The following FRY variants were observed in gnomAD, a reference collection of about 807,000 sequenced individuals.
FRY encodes the protein protein furry homolog.
A neutral mutation model predicts 348.4 loss-of-function variants in FRY; 128 were observed. That is an observed-to-expected ratio of 0.37 (90% confidence interval 0.32 to 0.43). The LOEUF (loss-of-function observed/expected upper bound fraction) is 0.43, where lower values mean the gene tolerates loss of function less well. Among genes scored for constraint, FRY ranks in the 20% least tolerant of loss-of-function variants. The pLI is 1.00. For synonymous variants in FRY, 1,370 were observed against 1,374.7 expected, an observed-to-expected ratio of 1.00 and a Z score of 0.08; for missense variants, 2,736 against 3,695.2, an observed-to-expected ratio of 0.74 and a Z score of 6.73.
intron 7 of FRY, 93 bp from the exon 8 acceptor site, chr13:32,131,579 T>C: frequency 1.2e-6 from 1 of 846,430 alleles, no homozygotes; most frequent in African/African-American, 1.7e-5. Flanking sequence ...AAGGATTCCA[T>C]TGCTCTGCTC....
rs1429617183 is a variant in FRY, at chr13:32,184,998, G to A, written c.3169G>A (p.Asp1057Asn). The change falls in exon 26 of 61, where the codon GAT becomes AAT. Residue 1057 changes from aspartate (D) to asparagine (N), a missense_variant. This residue lies in a region of FRY where 449 missense variants were observed against 576.9 expected (regional missense o/e 0.78). Transcript: ENST00000542859. ...SDSTNGALERDTLALGALFLE... is the reference protein window; with the variant it reads ...SDSTNGALERNTLALGALFLE... ...CAGCACAAATGGAGCCCTAGAGCGG[G>A]ATACTTTAGCCCTGGGAGCTTTGTT... 6.2e-7 allele frequency: 1 copy of A among 1,613,866 alleles called. No homozygotes were observed. The highest frequency in any genetic ancestry group is 8.5e-7 in the Non-Finnish European group (1 of 1,179,922).
chr13:32,191,780 C>A (rs1413739794), intron 28 of FRY, among the ~76,000 whole-genome samples: 1 of 152,070 alleles, frequency 6.6e-6, no homozygotes, highest in Non-Finnish European at 1.5e-5. Context: ...CTTATGAGAG[C>A]ACTAATCTCA....
chr13:32,248,214 G>T (rs756822246), intron 48 of FRY, among the ~76,000 whole-genome samples: 1 of 152,166 alleles, frequency 6.6e-6, no homozygotes, highest in East Asian at 1.9e-4. Flanking sequence ...ACAACATCTG[G>T]TGCATTAGTA....
At position 32,224,904 on chromosome 13, in the gene FRY, T is replaced by C. The variant is rs371487062; in HGVS notation, c.4917-29T>C. On this transcript the variant is annotated intron_variant, in intron 37 of 60. Transcript: ENST00000542859. ...TAGTATTTCCATCCCCTTCAGAAGT[T>C]GCATTAATTTCATTATTTCATTGAT... 2.8e-5 allele frequency: 35 copies of C among 1,244,102 alleles called. No homozygotes were observed. The African/African-American group carries it at 4.9e-4, about 17-fold the overall frequency. The allele number at this position is 1,244,102 out of a possible 1,614,324, so 77.1% of individuals were successfully genotyped here. A position where few individuals can be genotyped will look rare whatever the true frequency, so the allele number is the denominator to read the frequency against.
chr13:32,127,211 T>C (rs1484007609), intron 7 of FRY, among the ~76,000 whole-genome samples: 6 of 152,330 alleles, frequency 3.9e-5, no homozygotes, highest in Non-Finnish European at 1.5e-5. Context: ...TATGCGATAT[T>C]ATCTTTATAT....
chr13:32,046,433 G>C (rs1419422144), intron 1 of FRY, among the ~76,000 whole-genome samples: 1 of 152,210 alleles, frequency 6.6e-6, no homozygotes, highest in Non-Finnish European at 1.5e-5. Flanking sequence ...GCAAAGTTAT[G>C]TGAGCTCAGA....
rs114839670 is a variant in FRY, at chr13:32,161,153, A to G, written c.1794A>G (p.Arg598=). Residue 598 remains arginine, a synonymous_variant, in exon 17 of 61, where the codon AGA becomes AGG. Coordinates refer to ENST00000542859, the MANE Select transcript of FRY (RefSeq NM_023037.3). ...KEPEDMITGE[R]KPKIDLFRTC... is the part of the protein sequence containing the mutation. ...TGTCTTCTAATTCTAGGGGTGAGAG[A>G]AAGCCAAAAATAGATCTTTTCAGGA... The G allele has an allele frequency of 1.2e-3, 1,902 of 1,609,230 alleles. 23 individuals are homozygous for G. In the African/African-American group the frequency reaches 0.023, roughly 20 times the overall value.
At chr13:32,160,399 A>G (rs1881373905) in intron 16 of FRY, among the ~76,000 whole-genome samples, 1 of 152,244 alleles carries the variant, frequency 6.6e-6, no homozygotes, top group Non-Finnish European at 1.5e-5. Context: ...TACAGATAAA[A>G]TAAGTGGTTA....
intron 18 of FRY, among the ~76,000 whole-genome samples, chr13:32,171,693 C>T (rs1266538557): frequency 6.6e-6 from 1 of 152,192 alleles, no homozygotes. Context: ...CACCTAAGAA[C>T]TTCCTCCCTG....
chr13:32,149,526 A>G (rs1323126567), intron 13 of FRY, among the ~76,000 whole-genome samples: 1 of 152,052 alleles, frequency 6.6e-6, no homozygotes, highest in East Asian at 1.9e-4. Context: ...CATATTTTGT[A>G]TAATGAAGGC....
At chr13:32,244,542 T>C (rs1886679651) in intron 47 of FRY, among the ~76,000 whole-genome samples, 1 of 152,198 alleles carries the variant, frequency 6.6e-6, no homozygotes. Context: ...AACTTTCACA[T>C]GTGCCGGGTT....
chr13:32,060,931 C>G, intron 1 of FRY: 2 of 373,892 alleles, frequency 5.3e-6, no homozygotes, highest in South Asian at 4.2e-5. Flanking sequence ...GTCTTTAGCA[C>G]CTGACTAAAA....
At chr13:32,236,216 C>A in intron 43 of FRY, 44 bp downstream of exon 43, 2 of 1,334,688 alleles carry the variant, frequency 1.5e-6, no homozygotes, top group Non-Finnish European at 1.1e-6. Flanking sequence ...GTATACTGCA[C>A]AGGAGTATTT....
rs1274256409 is a variant in FRY at position 32,135,103 on chromosome 13, A to C, written c.997A>C (p.Asn333His). The change falls in exon 10 of 61, where the codon AAT becomes CAT. Residue 333 changes from asparagine (N) to histidine (H), a missense_variant. Asn to His is a moderately conservative substitution (Grantham distance 68). Around this residue, in one of 9 missense-constraint regions of FRY, gnomAD observed 309 missense variants for 418.1 expected, o/e 0.74. Transcript: ENST00000542859. ...PVAAAVKNEVNVPCLRNFVES... is the reference protein window; with the variant it reads ...PVAAAVKNEVHVPCLRNFVES... ...ATTTCAGGCTGTTAAAAATGAAGTA[A>C]ATGTTCCCTGCCTTAGAAATTTTGT... is the stretch of plus-strand genomic sequence containing the variant. The C allele has an allele frequency of 1.9e-6, 3 of 1,610,502 alleles. No homozygotes were observed. The highest frequency in any genetic ancestry group is 1.3e-5 in the African/African-American group (1 of 74,872).
chr13:32,135,034 A>G (rs1484029940), intron 9 of FRY, 38 bp downstream of exon 9: 2 of 1,548,066 alleles, frequency 1.3e-6, no homozygotes, highest in East Asian at 4.5e-5. Context: ...AAATTGTATC[A>G]CAAAATCAAC....
Position 32,184,658 on chromosome 13 carries a change from A to G in FRY, c.3113A>G (p.Glu1038Gly). The G allele has an allele frequency of 6.2e-7, 1 of 1,612,852 alleles. No individual in the cohort carries two copies. Among genetic ancestry groups the G allele is most frequent in the Non-Finnish European group, 8.5e-7 (1 of 1,178,798 alleles). ...LLRLQLLRIF[E>G]LLADAGVISD... is the part of the protein sequence containing the mutation. ...AGGCTACAACTACTTCGAATTTTTG[A>G]ACTTTTGGCTGATGCTGGTGTAATA... is the stretch of plus-strand genomic sequence containing the variant. Residue 1038 changes from glutamate to glycine, a missense_variant, in exon 25 of 61, where the codon GAA becomes GGA. By Grantham distance (98) the Glu-to-Gly change is moderately conservative. Around this residue, in one of 9 missense-constraint regions of FRY, gnomAD observed 449 missense variants for 576.9 expected, o/e 0.78. Coordinates refer to ENST00000542859, the MANE Select transcript of FRY (RefSeq NM_023037.3).
At chr13:32,118,693 A>ACC (rs1191969815) in intron 4 of FRY, among the ~76,000 whole-genome samples, 10 of 152,182 alleles carry the variant, frequency 6.6e-5, no homozygotes, top group Non-Finnish European at 1.5e-5. Flanking sequence ...TACAACCATT[A>ACC]CCACTCTAAT....
chr13:32,218,933 AT>A, intron 36 of FRY, 102 bp downstream of exon 36: 1 of 724,960 alleles, frequency 1.4e-6, no homozygotes, highest in Admixed American at 1.9e-5. Context: ...AAAAGGGCCT[AT>A]AGATATTAAG....
intron 1 of FRY, among the ~76,000 whole-genome samples, chr13:32,056,909 G>GT (rs1170495943): frequency 6.6e-6 from 1 of 152,102 alleles, no homozygotes; most frequent in Non-Finnish European, 1.5e-5. Flanking sequence ...TTAGAGAAAT[G>GT]TTGGGTTTAT....
Sources: gnomAD v4.1 joint callset for allele counts (sites outside exome capture counted in the v4.1 genomes callset) on GRCh38, gnomAD v4.1.1 for gene constraint, gnomAD v4.1.1 regional missense constraint, MANE v1.5 for transcripts, NCBI Gene and HGNC (gene_info 2026-07-23, HGNC 2026-07-21) for gene names.